Variants in ZBTB20 observed in about 807,000 individuals in gnomAD.
ZBTB20 encodes the protein zinc finger and BTB domain-containing protein 20.
Under a neutral mutation model 56.9 loss-of-function variants are expected in ZBTB20, and 9 were observed. The observed-to-expected ratio is 0.16, with a 90% CI of 0.10 to 0.28. The LOEUF (loss-of-function observed/expected upper bound fraction) is 0.28. Ranked by LOEUF, ZBTB20 falls within the 10% of genes least tolerant of loss-of-function variation. The probability of loss-of-function intolerance (pLI) is 1.00; values close to 1 mark genes in which losing one functional copy is unlikely to be tolerated. For synonymous variants in ZBTB20, 417 were observed against 420.7 expected (o/e 0.99, Z 0.11); for missense variants, 655 against 1,003.0 (o/e 0.65, Z 4.69).
At chr3:114,508,179 C>T (rs906828351) in intron 6 of ZBTB20, among the ~76,000 whole-genome samples, 9 of 152,108 alleles carry the variant, frequency 5.9e-5, no homozygotes, top group Non-Finnish European at 1.0e-4. Context: ...AACAGGAGAA[C>T]CACTAAACAA....
intron 5 of ZBTB20, among the ~76,000 whole-genome samples, chr3:114,768,434 A>C (rs2068937394): frequency 6.6e-6 from 1 of 152,088 alleles, no homozygotes; most frequent in African/African-American, 2.4e-5. Flanking sequence ...GATTTTGAAC[A>C]TTAGTCTAAT....
chr3:114,461,923 G>A (rs114659866), intron 7 of ZBTB20, among the ~76,000 whole-genome samples: 1,884 of 152,310 alleles, frequency 0.012, 40 homozygotes, highest in African/African-American at 0.044. Context: ...GACTCAGAGT[G>A]AGATCACCTG....
At chr3:114,987,590 CAG>C (rs535824742) in intron 2 of ZBTB20, among the ~76,000 whole-genome samples, 265 of 152,234 alleles carry the variant, frequency 1.7e-3, no homozygotes, top group African/African-American at 6.1e-3. Flanking sequence ...GCTGTTTGTT[CAG>C]CATGCTGAAG....
intron 10 of ZBTB20, among the ~76,000 whole-genome samples, chr3:114,354,990 A>C (rs1009013769): frequency 3.9e-5 from 6 of 152,202 alleles, no homozygotes; most frequent in African/African-American, 1.4e-4. Flanking sequence ...CAGTGTTGGG[A>C]TTAGAAACTA....
intron 3 of ZBTB20, among the ~76,000 whole-genome samples, chr3:114,917,044 G>C (rs1329457032): frequency 6.6e-6 from 1 of 151,822 alleles, no homozygotes; most frequent in African/African-American, 2.4e-5. Flanking sequence ...GTATCTTGTA[G>C]GCATGCTTCA....
intron 6 of ZBTB20, among the ~76,000 whole-genome samples, chr3:114,646,707 A>T (rs1221754968): frequency 6.6e-6 from 1 of 152,214 alleles, no homozygotes; most frequent in East Asian, 1.9e-4. Flanking sequence ...TTGTTTAGTT[A>T]CAAGGGATTT....
chr3:114,640,465 CA>C (rs1262977721), intron 6 of ZBTB20, among the ~76,000 whole-genome samples: 1 of 152,168 alleles, frequency 6.6e-6, no homozygotes, highest in African/African-American at 2.4e-5. Context: ...AGGTAACATA[CA>C]AGGATTTTCA....
chr3:114,391,058 T>G (rs1172713737), intron 7 of ZBTB20, among the ~76,000 whole-genome samples: 1 of 152,176 alleles, frequency 6.6e-6, no homozygotes, highest in Non-Finnish European at 1.5e-5. Context: ...TTGTGATTCC[T>G]GAATCAATAC....
rs560678525 is a variant in ZBTB20, at chr3:114,767,357, T to C, written c.-343+33744A>G. On this transcript the variant is annotated intron_variant, in intron 5 of 11. Transcript: ENST00000675478. ...GAACAGAGTAGGATATTCTCAAAAC[T>C]GGGATGGTGATAAAATGAATAAAAT... is the stretch of plus-strand genomic sequence containing the variant. 3.3e-5 allele frequency among the ~76,000 whole-genome samples: 5 copies of C among 152,164 alleles called. No homozygotes were observed. In the South Asian group the frequency reaches 1.0e-3, roughly 32 times the overall value.
At chr3:114,632,015 T>C (rs1356920751) in intron 6 of ZBTB20, among the ~76,000 whole-genome samples, 2 of 152,176 alleles carry the variant, frequency 1.3e-5, no homozygotes, top group Non-Finnish European at 2.9e-5. Context: ...GAAAAGCTAA[T>C]TGGGTGAGGA....
At chr3:114,614,033 C>G (rs765224797) in intron 6 of ZBTB20, among the ~76,000 whole-genome samples, 4 of 152,146 alleles carry the variant, frequency 2.6e-5, no homozygotes, top group Non-Finnish European at 4.4e-5. Context: ...GAAACTGAGT[C>G]ATGAGAATTA....
intron 2 of ZBTB20, among the ~76,000 whole-genome samples, chr3:114,994,156 C>G (rs779865249): frequency 4.6e-5 from 7 of 151,704 alleles, no homozygotes; most frequent in Middle Eastern, 3.4e-3. Flanking sequence ...TTTAAAATAA[C>G]CTGAGAATAT....
chr3:114,845,724 G>T (rs72958205), intron 4 of ZBTB20, among the ~76,000 whole-genome samples: 1 of 151,840 alleles, frequency 6.6e-6, no homozygotes, highest in Non-Finnish European at 1.5e-5. Context: ...TTGTTTAAGC[G>T]CTATTCCAGC....
chr3:115,043,397 A>G (rs1028632248), intron 2 of ZBTB20, among the ~76,000 whole-genome samples: 5 of 150,116 alleles, frequency 3.3e-5, no homozygotes, highest in Non-Finnish European at 5.9e-5. Flanking sequence ...CATCTCTACT[A>G]AAAACTAAAA....
intron 8 of ZBTB20, among the ~76,000 whole-genome samples, chr3:114,385,406 C>A (rs1226114732): frequency 6.6e-6 from 1 of 152,160 alleles, no homozygotes; most frequent in African/African-American, 2.4e-5. Context: ...TTTTCCTCAT[C>A]TGTAAAATGG....
At chr3:114,782,128 A>C (rs1282351059) in intron 5 of ZBTB20, among the ~76,000 whole-genome samples, 2 of 152,202 alleles carry the variant, frequency 1.3e-5, no homozygotes, top group Non-Finnish European at 2.9e-5. Flanking sequence ...CAGCAAGCAA[A>C]TGCTCCACCT....
At chr3:114,589,381 G>A (rs1292089428) in intron 6 of ZBTB20, among the ~76,000 whole-genome samples, 3 of 152,002 alleles carry the variant, frequency 2.0e-5, no homozygotes, top group Non-Finnish European at 2.9e-5. Flanking sequence ...CTGACAAGCC[G>A]GGGAGAAATA....
chr3:114,544,371 TA>T (rs2049470627), intron 6 of ZBTB20, among the ~76,000 whole-genome samples: 1 of 152,068 alleles, frequency 6.6e-6, no homozygotes, highest in African/African-American at 2.4e-5. Flanking sequence ...CTAACACCAA[TA>T]AAATTACCTG....
intron 6 of ZBTB20, among the ~76,000 whole-genome samples, chr3:114,607,533 C>A (rs1267047081): frequency 1.3e-5 from 2 of 152,046 alleles, no homozygotes; most frequent in African/African-American, 2.4e-5. Context: ...GAACTCCCGA[C>A]CTCAGGTGAT....
Sources: gnomAD v4.1 joint callset for allele counts (sites outside exome capture counted in the v4.1 genomes callset) on GRCh38, gnomAD v4.1.1 for gene constraint, MANE v1.5 for transcripts, NCBI Gene and HGNC (gene_info 2026-07-23, HGNC 2026-07-21) for gene names.